ANKRD36: variants seen among roughly 807,000 people sequenced by gnomAD.
ANKRD36 encodes ankyrin repeat domain-containing protein 36A.
ANKRD36 carries 179 observed loss-of-function variants against 278.1 expected under a neutral mutation model. That is an observed-to-expected ratio of 0.64 (90% CI 0.57 to 0.73). The LOEUF is 0.73. Ranked by LOEUF, ANKRD36 falls within the 30% of genes least tolerant of loss-of-function variation. The probability of loss-of-function intolerance (pLI) is 0.00; values close to 1 mark genes in which losing one functional copy is unlikely to be tolerated. For missense variants in ANKRD36, 1,159 were observed against 1,956.7 expected, an observed-to-expected ratio of 0.59 and a Z score of 7.69; for synonymous variants, 320 against 641.1, an observed-to-expected ratio of 0.50 and a Z score of 7.57.
In ANKRD36 at chr2:97,142,797, T is replaced by C. The variant is rs777135061; in HGVS notation, c.863T>C (p.Ile288Thr). ...GGCAAGGAAGATTCTATTTCAAATA[T>C]AGCCACAGAAATAAAGGATGGACAA... ...TSGKEDSISNIATEIKDGQKS... is the reference protein window; with the variant it reads ...TSGKEDSISNTATEIKDGQKS... Residue 288 changes from isoleucine to threonine, a missense_variant, in exon 8 of 76, where the codon ATA becomes ACA. Ile to Thr is a moderately conservative substitution (Grantham distance 89). Transcript: ENST00000420699. 4.5e-6 allele frequency: 7 copies of C among 1,570,960 alleles called. No homozygotes were observed. In the Middle Eastern group the frequency reaches 6.7e-4, roughly 150 times the overall value.
intron 6 of ANKRD36, among the ~76,000 whole-genome samples, chr2:97,137,683 C>T (rs1182135704): frequency 6.6e-6 from 1 of 152,076 alleles, no homozygotes; most frequent in East Asian, 1.9e-4. Flanking sequence ...AATCACCACA[C>T]TGTCTTCCAC....
At chr2:97,161,689 C>T (rs892372595) in intron 17 of ANKRD36, among the ~76,000 whole-genome samples, 4 of 152,072 alleles carry the variant, frequency 2.6e-5, no homozygotes, top group South Asian at 2.1e-4. Flanking sequence ...AGTTTTACCA[C>T]GTTATTGTGG....
chr2:97,182,827 C>CT (rs1402208050), intron 26 of ANKRD36, among the ~76,000 whole-genome samples: 1 of 151,446 alleles, frequency 6.6e-6, no homozygotes, highest in African/African-American at 2.4e-5. Flanking sequence ...TTTCTGTAGC[C>CT]TAAACTAGAG....
At chr2:97,208,442 C>G (rs2063470172) in intron 54 of ANKRD36, among the ~76,000 whole-genome samples, 1 of 146,420 alleles carries the variant, frequency 6.8e-6, no homozygotes. Context: ...GGTGTAGCAA[C>G]AGTTTTCCTA....
intron 52 of ANKRD36, among the ~76,000 whole-genome samples, chr2:97,206,890 A>G: frequency 6.6e-6 from 1 of 151,498 alleles, no homozygotes; most frequent in East Asian, 1.9e-4. Flanking sequence ...TTGTTCAAGG[A>G]GCCACCTCTT....
rs190232265 is a variant in ANKRD36, at chr2:97,185,627, G to A, written c.2041+117G>A. 5.3e-4 allele frequency: 686 copies of A among 1,289,840 alleles called. 4 individuals carry two copies. The African/African-American group carries it at 7.5e-3, about 14-fold the overall frequency. The allele number at this position is 1,289,840 out of a possible 1,614,324, so 79.9% of individuals were successfully genotyped here. On this transcript the variant is annotated intron_variant, in intron 30 of 75. Transcript: ENST00000420699. ...CTGCACATTCTGATTCAGCAGGCCC[G>A]AGATTCTTCATTTGTAATAAGTTCT... is the stretch of plus-strand genomic sequence containing the variant.
chr2:97,204,469 A>G (rs1266838360), intron 50 of ANKRD36, among the ~76,000 whole-genome samples: 1 of 151,578 alleles, frequency 6.6e-6, no homozygotes, highest in Non-Finnish European at 1.5e-5. Flanking sequence ...ACTTCCCCAC[A>G]TTGAAATTGG....
At chr2:97,227,968 G>T (rs2070467943) in intron 67 of ANKRD36, among the ~76,000 whole-genome samples, 1 of 152,122 alleles carries the variant, frequency 6.6e-6, no homozygotes, top group South Asian at 2.1e-4. Context: ...AACCAGCCTT[G>T]CATCCCAGGG....
chr2:97,144,338 T>C (rs541613718), intron 8 of ANKRD36, among the ~76,000 whole-genome samples, 180 bp from the exon 9 acceptor site: 336 of 152,350 alleles, frequency 2.2e-3, no homozygotes, highest in African/African-American at 7.9e-3. Context: ...GTGAAGACTA[T>C]ACTTCTGTTT....
rs1359753100 is a variant in ANKRD36 at position 97,243,826 on chromosome 2, T to C, written c.4308-20T>C. 6.5e-7 allele frequency: 1 copy of C among 1,532,284 alleles called. No individual in the cohort carries two copies. Among genetic ancestry groups the C allele is most frequent in the Admixed American group, 2.2e-5 (1 of 44,946 alleles). 94.9% of individuals were successfully genotyped at this position (1,532,284 alleles called of 1,614,324 possible). On this transcript the variant is annotated intron_variant, in intron 69 of 75. Transcript: ENST00000420699. ...TAGTCCTCACTGATAAGATAAATTC[T>C]AAGATAAGTATATTTACAGATTTGC... is the stretch of plus-strand genomic sequence containing the variant.
intron 26 of ANKRD36, 55 bp from the exon 27 acceptor site, chr2:97,183,404 G>T (rs1311400806): frequency 1.8e-5 from 27 of 1,501,734 alleles, no homozygotes; most frequent in Non-Finnish European, 2.2e-5. Flanking sequence ...ATGAATGTAT[G>T]GATGACTTTG....
Position 97,187,401 on chromosome 2 carries a change from G to C in ANKRD36, c.2143G>C (p.Val715Leu), listed in dbSNP as rs1281613110. ...EIKDGEKSGT[V>L]SSQKQPALKA... The stretch of plus-strand genomic sequence containing the variant: ...AAAGGATGGAGAAAAATCTGGGACA[G>C]GTAATTTTGCAAAACACATTCAATG... Residue 715 changes from valine to leucine, a missense_variant and splice_region_variant, in exon 32 of 76, where the codon GTG (valine) becomes CTG (leucine). Val to Leu is a conservative substitution (Grantham distance 32). Coordinates refer to ENST00000420699, the MANE Select transcript of ANKRD36 (RefSeq NM_001354587.1). 4.8e-6 allele frequency: 7 copies of C among 1,447,570 alleles called. No homozygotes were observed. The highest frequency in any genetic ancestry group is 3.2e-5 in the East Asian group (1 of 30,898). 89.7% of individuals were successfully genotyped at this position (1,447,570 alleles called of 1,614,324 possible).
At position 97,203,853 on chromosome 2, in the gene ANKRD36, C is replaced by T. The variant is rs1481447298; in HGVS notation, c.2960-215C>T. 4.0e-5 allele frequency among the ~76,000 whole-genome samples: 6 copies of T among 151,714 alleles called. No homozygotes were observed. The South Asian group carries it at 6.3e-4, about 16-fold the overall frequency. On this transcript the variant is annotated intron_variant, in intron 48 of 75. Transcript: ENST00000420699. ...GTTTTTCACATATGACAAATCATACCATGTTTGAAATTCTAAGACTATATT... is the reference window on the plus strand; with the variant it reads ...GTTTTTCACATATGACAAATCATACTATGTTTGAAATTCTAAGACTATATT...
At position 97,196,771 on chromosome 2, in the gene ANKRD36, G is replaced by A; in HGVS notation, c.2636G>A (p.Gly879Glu). 4.5e-6 allele frequency: 7 copies of A among 1,549,006 alleles called. No individual in the cohort carries two copies. Among genetic ancestry groups the A allele is most frequent in the Non-Finnish European group, 5.2e-6 (6 of 1,148,520 alleles). ...GGTATAGCCAGAGAAAACAAGGATG[G>A]AGAAAAATCTAGGACAGGTAATTCT... ...VLGIARENKDGEKSRTVSSEK... is the reference protein window; with the variant it reads ...VLGIARENKDEEKSRTVSSEK... The change falls in exon 42 of 76, where the codon GGA becomes GAA. Residue 879 changes from glycine (G) to glutamate (E), a missense_variant. Physicochemically the swap from Gly to Glu is moderately conservative, Grantham distance 98. Transcript: ENST00000420699.
intron 22 of ANKRD36, among the ~76,000 whole-genome samples, chr2:97,177,504 A>G (rs1253279471): frequency 1.3e-5 from 2 of 151,994 alleles, no homozygotes; most frequent in African/African-American, 2.4e-5. Flanking sequence ...AACAGAACGG[A>G]GACCTCAGAA....
At chr2:97,179,689 C>T in intron 22 of ANKRD36, 49 bp from the exon 23 acceptor site, 3 of 1,591,080 alleles carry the variant, frequency 1.9e-6, no homozygotes, top group Non-Finnish European at 2.6e-6. Context: ...GTATGGATAA[C>T]ATTATCATAT....
At chr2:97,192,616 A>G (rs1417584702) in intron 36 of ANKRD36, among the ~76,000 whole-genome samples, 2 of 151,668 alleles carry the variant, frequency 1.3e-5, no homozygotes, top group Non-Finnish European at 2.9e-5. Context: ...GTTTGATTTT[A>G]GTTTTTGACA....
intron 20 of ANKRD36, among the ~76,000 whole-genome samples, chr2:97,167,361 A>G (rs928199682): frequency 3.5e-4 from 53 of 152,142 alleles, no homozygotes; most frequent in African/African-American, 5.3e-4. Context: ...TTCAGGGTAC[A>G]CCATAGTATT....
At chr2:97,151,750 A>G in intron 12 of ANKRD36, 129 bp from the exon 13 acceptor site, 2 of 693,898 alleles carry the variant, frequency 2.9e-6, no homozygotes, top group Non-Finnish European at 4.8e-6. Flanking sequence ...GGCAGACTTG[A>G]GGTTTGAATC....
Sources: allele counts gnomAD v4.1 joint callset (sites outside exome capture counted in the v4.1 genomes callset), GRCh38; gene constraint gnomAD v4.1.1; transcripts MANE v1.5; gene names NCBI Gene and HGNC (gene_info 2026-07-23, HGNC 2026-07-21).